The following POM121 variants were observed in gnomAD, a reference collection of about 807,000 sequenced individuals.
POM121 encodes the protein nuclear envelope pore membrane protein POM 121.
A neutral mutation model predicts 81.3 loss-of-function variants in POM121; 32 were observed. The observed-to-expected ratio is 0.39, with a 90% CI of 0.30 to 0.53. The LOEUF (loss-of-function observed/expected upper bound fraction) is 0.53, where lower values mean the gene tolerates loss of function less well. POM121 is among the 20% of genes least tolerant of loss of function. POM121 has a pLI of 0.66. For synonymous variants in POM121, 514 were observed against 694.2 expected, an observed-to-expected ratio of 0.74 and a Z score of 4.08; for missense variants, 1,138 against 1,614.6, an observed-to-expected ratio of 0.70 and a Z score of 5.06.
Position 72,939,962 on chromosome 7 carries a change from G to C in POM121, c.1557G>C (p.Leu519=). ...QLLPSRRGEQ[L]TLPPPPQLGY... is the part of the protein sequence containing the mutation. ...TGCCTTCTCGGCGAGGGGAACAGCT[G>C]ACCTTGGTATGGTCTTGTCCATCTA... The change falls in exon 8 of 13, where the codon CTG becomes CTC. Residue 519 remains leucine (L), a synonymous_variant. Transcript: ENST00000434423. 6.2e-7 allele frequency: 1 copy of C among 1,605,916 alleles called. No individual in the cohort carries two copies. The highest frequency in any genetic ancestry group is 8.5e-7 in the Non-Finnish European group (1 of 1,175,576).
upstream of POM121, chr7:72,924,945 G>A: frequency 8.7e-7 from 1 of 1,149,326 alleles, no homozygotes; most frequent in Non-Finnish European, 1.1e-6. Flanking sequence ...AACCTCAAGA[G>A]TCAGAAACAG....
In POM121 at chr7:72,926,938, C is replaced by G. The variant is rs1554497653; in HGVS notation, c.997C>G (p.Leu333Val). 1.2e-6 allele frequency: 2 copies of G among 1,613,952 alleles called. No homozygotes were observed. Among genetic ancestry groups the G allele is most frequent in the Non-Finnish European group, 1.7e-6 (2 of 1,179,868 alleles). Reference protein sequence around the residue: ...RTVEEEDQIFLDGQENKRRRH... With the variant: ...RTVEEEDQIFVDGQENKRRRH... ...AGTGGAGGAAGAAGACCAAATATTC[C>G]TTGATGGCCAGGAAAATAAAAGAAG... Residue 333 changes from leucine to valine, a missense_variant, in exon 3 of 13, where the codon CTT becomes GTT. By Grantham distance (32) the Leu-to-Val change is conservative (BLOSUM62 1). Transcript: ENST00000434423.
At chr7:72,928,120 C>T (rs1450263787) in intron 3 of POM121, among the ~76,000 whole-genome samples, 4 of 151,610 alleles carry the variant, frequency 2.6e-5, no homozygotes, top group African/African-American at 4.8e-5. Context: ...GCAGGAGAAT[C>T]GCTTGAACCC....
chr7:72,909,119 A>G (rs1793562761), intron 3 of POM121, among the ~76,000 whole-genome samples: 1 of 152,180 alleles, frequency 6.6e-6, no homozygotes, highest in Non-Finnish European at 1.5e-5. Context: ...GAACTAATAA[A>G]TGTCTATGAA....
At chr7:72,948,684 G>A (rs782285036), downstream of POM121, 157 of 1,599,750 alleles carry the variant, frequency 9.8e-5, 1 homozygote, top group East Asian at 6.0e-4. Context: ...ATCTCGACCC[G>A]TTCAATTACA....
At position 72,898,265 on chromosome 7, in the gene POM121, G is replaced by A. The variant is rs1792171181; in HGVS notation, c.-216+7155G>A. 2.6e-5 allele frequency among the ~76,000 whole-genome samples: 4 copies of A among 152,210 alleles called. No individual in the cohort carries two copies. The Middle Eastern group carries it at 0.01, about 388-fold the overall frequency. On this transcript the variant is annotated intron_variant, in intron 3 of 15. Coordinates refer to the POM121 transcript ENST00000395270. ...CTTTAAAAACAATTTTTAATGTTTTGAAAATAAATAGACAGATGGAGTCTC... is the reference window on the plus strand; with the variant it reads ...CTTTAAAAACAATTTTTAATGTTTTAAAAATAAATAGACAGATGGAGTCTC...
At position 72,945,622 on chromosome 7, in the gene POM121, C is replaced by T. The variant is rs782364789; in HGVS notation, c.3566C>T (p.Ala1189Val). Residue 1189 changes from alanine to valine, a missense_variant, in exon 12 of 13, where the codon GCG becomes GTG. Coordinates refer to ENST00000434423, the MANE Select transcript of POM121 (RefSeq NM_001387691.1). The part of the protein sequence containing the change: ...ATPTFGLNTP[A>V]PGVGTSGSSL... The stretch of plus-strand genomic sequence containing the variant: ...CCCACCTTTGGTCTGAACACCCCTG[C>T]GCCTGGAGTGGGCACATCAGGCAGC... 2.4e-5 allele frequency: 39 copies of T among 1,613,346 alleles called. 1 individual carries two copies. In the South Asian group the frequency reaches 3.3e-4, roughly 14 times the overall value.
chr7:72,938,657 C>T lies in POM121; in HGVS notation c.1343C>T (p.Pro448Leu), dbSNP rs148219628. The T allele has an allele frequency of 6.1e-5, 99 of 1,613,706 alleles. No homozygotes were observed. Among genetic ancestry groups the T allele is most frequent in the Non-Finnish European group, 7.8e-5 (92 of 1,179,796 alleles). ...CCAGCCTCCTCCCGCTCCCAGACAC[C>T]GGAGAGGCCAGCAAAGAAAATAAGG... ...SSPASSRSQTPERPAKKIREE... is the reference protein window; with the variant it reads ...SSPASSRSQTLERPAKKIREE... The change falls in exon 6 of 13, where the codon CCG becomes CTG. Residue 448 changes from proline to leucine, a missense_variant. Coordinates refer to ENST00000434423, the MANE Select transcript of POM121 (RefSeq NM_001387691.1).
At chr7:72,918,882 C>T (rs1391546321) in intron 4 of POM121, among the ~76,000 whole-genome samples, 2 of 152,038 alleles carry the variant, frequency 1.3e-5, no homozygotes, top group Non-Finnish European at 2.9e-5. Flanking sequence ...ACTGCAACCT[C>T]CACCTTCCGG....
intron 7 of POM121, among the ~76,000 whole-genome samples, 163 bp downstream of exon 7, chr7:72,939,572 G>A (rs1796860646): frequency 6.6e-6 from 1 of 152,226 alleles, no homozygotes. Context: ...TTTATAGTCT[G>A]ATGAGGGAGA....
upstream of POM121, among the ~76,000 whole-genome samples, chr7:72,922,822 CATTA>C: frequency 6.6e-6 from 1 of 152,260 alleles, no homozygotes; most frequent in South Asian, 2.1e-4. Context: ...TCTCTATTTA[CATTA>C]ATTCTCAGTC....
At chr7:72,935,526 CTTT>C (rs1796427559) in intron 5 of POM121, among the ~76,000 whole-genome samples, 2 of 152,104 alleles carry the variant, frequency 1.3e-5, no homozygotes, top group South Asian at 4.1e-4. Flanking sequence ...GGTTTTACTT[CTTT>C]TTTATTAGAT....
intron 3 of POM121, among the ~76,000 whole-genome samples, chr7:72,906,141 A>C (rs1793212169): frequency 6.6e-6 from 1 of 152,136 alleles, no homozygotes; most frequent in Admixed American, 6.5e-5. Context: ...TCAGCCAGCC[A>C]CCTAACATCG....
chr7:72,943,743 A>G (rs1797376368), intron 11 of POM121, among the ~76,000 whole-genome samples: 1 of 151,984 alleles, frequency 6.6e-6, no homozygotes, highest in Non-Finnish European at 1.5e-5. Flanking sequence ...GTAGTTAACA[A>G]TTGTAAGCTG....
intron 3 of POM121, among the ~76,000 whole-genome samples, chr7:72,927,842 A>G (rs1294872940): frequency 3.3e-5 from 5 of 152,092 alleles, no homozygotes; most frequent in African/African-American, 1.2e-4. Flanking sequence ...ATGGGACCCT[A>G]CTCCAAGTGC....
intron 3 of POM121, among the ~76,000 whole-genome samples, chr7:72,911,193 A>C (rs1207944558): frequency 6.6e-6 from 1 of 152,180 alleles, no homozygotes; most frequent in African/African-American, 2.4e-5. Flanking sequence ...CATTTTGGCC[A>C]GGCTGGTCTC....
intron 3 of POM121, among the ~76,000 whole-genome samples, chr7:72,905,266 C>T: frequency 6.6e-6 from 1 of 152,300 alleles, no homozygotes; most frequent in Admixed American, 6.5e-5. Context: ...TTGCGACTTA[C>T]TCTTTGACCC....
chr7:72,888,675 A>AGTGT lies in POM121; in HGVS notation c.-520-1927_-520-1924dup, dbSNP rs57062510. 3.6e-3 allele frequency among the ~76,000 whole-genome samples: 510 copies of AGTGT among 143,378 alleles called. 3 individuals carry two copies. Among genetic ancestry groups the AGTGT allele is most frequent in the Admixed American group, 0.021 (300 of 14,318 alleles). The allele number at this position is 143,378 out of a possible 152,430, so 94.1% of individuals were successfully genotyped here. ...CGGACCGAGAAGACTGAGGCATAAG[A>AGTGT]GTGTGTGTGTGTGTGTGTGTGTGTG... On this transcript the variant is annotated intron_variant, in intron 1 of 15. Coordinates refer to the POM121 transcript ENST00000395270.
At chr7:72,901,503 C>T (rs1176303905) in intron 3 of POM121, among the ~76,000 whole-genome samples, 9 of 151,436 alleles carry the variant, frequency 5.9e-5, no homozygotes, top group South Asian at 2.1e-4. Context: ...TACAGGCGCC[C>T]GCCACCGTGC....
Sources: allele counts gnomAD v4.1 joint callset (sites outside exome capture counted in the v4.1 genomes callset), GRCh38; gene constraint gnomAD v4.1.1; transcripts MANE v1.5; gene names NCBI Gene and HGNC (gene_info 2026-07-23, HGNC 2026-07-21).